The following TSPAN9 variants were observed in gnomAD, a reference collection of about 807,000 sequenced individuals.
TSPAN9 encodes the protein tetraspanin-9.
In TSPAN9, 16 loss-of-function variants were observed where a neutral mutation model predicts 31.0. The ratio of observed to expected loss-of-function variants is 0.52; its 90% CI spans 0.35 to 0.78. TSPAN9 has a LOEUF of 0.78. Ranked by LOEUF, TSPAN9 falls within the 30% of genes least tolerant of loss-of-function variation. TSPAN9 has a pLI of 0.01. For missense variants in TSPAN9, 272 were observed against 312.5 expected (o/e 0.87, Z 0.98); for synonymous variants, 145 against 121.6 (o/e 1.19, Z -1.27).
At chr12:3,182,935 G>A (rs763882989) in intron 2 of TSPAN9, among the ~76,000 whole-genome samples, 36 of 152,222 alleles carry the variant, frequency 2.4e-4, no homozygotes, top group Non-Finnish European at 1.5e-4. Context: ...GGTCAGGGCC[G>A]CATGGTCGGA....
intron 2 of TSPAN9, among the ~76,000 whole-genome samples, chr12:3,153,218 T>C (rs907229412): frequency 1.3e-5 from 2 of 152,196 alleles, no homozygotes; most frequent in Non-Finnish European, 2.9e-5. Flanking sequence ...TATCATCATG[T>C]GCTAGTTTAT....
intron 2 of TSPAN9, among the ~76,000 whole-genome samples, chr12:3,145,836 G>T (rs1246147322): frequency 6.6e-6 from 1 of 152,238 alleles, no homozygotes; most frequent in Non-Finnish European, 1.5e-5. Context: ...CTGGCGTGGT[G>T]GCCAGCAAAA....
chr12:3,193,063 G>C (rs993511546), intron 2 of TSPAN9, among the ~76,000 whole-genome samples: 7 of 152,134 alleles, frequency 4.6e-5, no homozygotes, highest in Admixed American at 4.6e-4. Flanking sequence ...AAGAAACTGA[G>C]ATATGGAGCA....
At chr12:3,247,409 G>A (rs1862159376) in intron 3 of TSPAN9, among the ~76,000 whole-genome samples, 1 of 151,600 alleles carries the variant, frequency 6.6e-6, no homozygotes, top group South Asian at 2.1e-4. Flanking sequence ...ATGTCTGGGG[G>A]TCCTTTCTGC....
At chr12:3,138,739 C>T (rs191591051) in intron 2 of TSPAN9, among the ~76,000 whole-genome samples, 16 of 152,202 alleles carry the variant, frequency 1.1e-4, no homozygotes, top group Middle Eastern at 3.4e-3. Flanking sequence ...AGTGATTCGC[C>T]CACCTTAGCC....
At chr12:3,201,140 G>GT in intron 2 of TSPAN9, 37 bp from the exon 3 acceptor site, 1 of 1,555,478 alleles carries the variant, frequency 6.4e-7, no homozygotes, top group Non-Finnish European at 8.9e-7. Context: ...CAAGTACGTG[G>GT]TGTTTTACCT....
At chr12:3,226,267 A>G (rs1565621978) in intron 3 of TSPAN9, among the ~76,000 whole-genome samples, 2 of 152,138 alleles carry the variant, frequency 1.3e-5, no homozygotes, top group Non-Finnish European at 2.9e-5. Flanking sequence ...TAAAGACCAG[A>G]GAAGATAACC....
intron 3 of TSPAN9, among the ~76,000 whole-genome samples, chr12:3,270,451 T>G (rs1237498725): frequency 6.6e-6 from 1 of 152,240 alleles, no homozygotes; most frequent in African/African-American, 2.4e-5. Flanking sequence ...TGCCTTCATC[T>G]TTGAAGCCCG....
intron 3 of TSPAN9, among the ~76,000 whole-genome samples, chr12:3,219,896 G>A (rs113000770): frequency 4.7e-5 from 7 of 149,556 alleles, no homozygotes; most frequent in Non-Finnish European, 1.0e-4. Context: ...GGCCCACGCC[G>A]GTAATCCCAG....
At chr12:3,152,680 G>C (rs2098340407) in intron 2 of TSPAN9, among the ~76,000 whole-genome samples, 1 of 152,034 alleles carries the variant, frequency 6.6e-6, no homozygotes, top group Non-Finnish European at 1.5e-5. Context: ...CCGCCTCCCA[G>C]GTTCAAGCAA....
rs139567252 is a variant in TSPAN9, at chr12:3,128,445, G to T, written c.-18+44726G>T. Among the ~76,000 whole-genome samples, 44 of 152,284 alleles carry T rather than the reference G, an allele frequency of 2.9e-4. 1 individual carries two copies. In the East Asian group the frequency reaches 6.8e-3, roughly 23 times the overall value. On this transcript the variant is annotated intron_variant, in intron 2 of 8. Transcript: ENST00000011898. Reference sequence around the variant, plus strand: ...AAGGGGGCCTTACACACAAAAGGAGGCTGGGCGTGGTGGTGCAGCTGTAGT... The same window carrying T: ...AAGGGGGCCTTACACACAAAAGGAGTCTGGGCGTGGTGGTGCAGCTGTAGT...
At chr12:3,277,694 G>C (rs1862813757) in intron 3 of TSPAN9, among the ~76,000 whole-genome samples, 1 of 152,176 alleles carries the variant, frequency 6.6e-6, no homozygotes, top group Non-Finnish European at 1.5e-5. Context: ...GGTGGAGCTG[G>C]TGGCGCCGGC....
chr12:3,155,540 A>G (rs1220677071), intron 2 of TSPAN9, among the ~76,000 whole-genome samples: 1 of 152,088 alleles, frequency 6.6e-6, no homozygotes, highest in Non-Finnish European at 1.5e-5. Context: ...TTGAGGCTGC[A>G]GTGAACCATG....
intron 2 of TSPAN9, among the ~76,000 whole-genome samples, chr12:3,186,542 TTGTTTG>T (rs768451442): frequency 0.012 from 1,436 of 115,296 alleles, 10 homozygotes; most frequent in Non-Finnish European, 0.017. Context: ...GGCCAGGAGT[TTGTTTG>T]TGTGTGTGTG....
chr12:3,253,841 C>T (rs1012293732), intron 3 of TSPAN9, among the ~76,000 whole-genome samples: 1 of 152,222 alleles, frequency 6.6e-6, no homozygotes, highest in African/African-American at 2.4e-5. Flanking sequence ...GGTGTGCCCT[C>T]CTGGCCAGGC....
intron 3 of TSPAN9, among the ~76,000 whole-genome samples, chr12:3,219,346 A>C (rs1015278477): frequency 1.3e-5 from 2 of 152,210 alleles, no homozygotes; most frequent in Admixed American, 1.3e-4. Context: ...AAGGGTGGCC[A>C]CTGCCTTAGT....
chr12:3,271,148 C>T (rs1477097743), intron 3 of TSPAN9, among the ~76,000 whole-genome samples: 2 of 152,150 alleles, frequency 1.3e-5, no homozygotes, highest in African/African-American at 4.8e-5. Context: ...TCCCTGACAC[C>T]TTTGTAAGTT....
chr12:3,132,446 T>TA (rs138764830), intron 2 of TSPAN9, among the ~76,000 whole-genome samples: 3 of 152,156 alleles, frequency 2.0e-5, no homozygotes, highest in South Asian at 2.1e-4. Flanking sequence ...TTTTCCTTTT[T>TA]AAAAAAATTA....
chr12:3,112,505 A>C (rs1023799689), intron 2 of TSPAN9, among the ~76,000 whole-genome samples: 1 of 150,704 alleles, frequency 6.6e-6, no homozygotes, highest in Non-Finnish European at 1.5e-5. Flanking sequence ...CTCTGATTTT[A>C]TTTATTTGGG....
Sources: gnomAD v4.1 joint callset for allele counts (sites outside exome capture counted in the v4.1 genomes callset) on GRCh38, gnomAD v4.1.1 for gene constraint, MANE v1.5 for transcripts, NCBI Gene and HGNC (gene_info 2026-07-23, HGNC 2026-07-21) for gene names.